Variants in AKAP6 observed in about 807,000 individuals in gnomAD.
AKAP6 encodes A-kinase anchoring protein 6.
Under a neutral mutation model 188.5 loss-of-function variants are expected in AKAP6, and 58 were observed. The ratio of observed to expected loss-of-function variants is 0.31; its 90% CI spans 0.25 to 0.38. The LOEUF is 0.38. Among genes scored for constraint, AKAP6 ranks in the 10% least tolerant of loss-of-function variants. AKAP6 has a pLI of 1.00. For missense variants in AKAP6, 2,710 were observed against 2,740.0 expected (o/e 0.99, Z 0.24); for synonymous variants, 989 against 998.6 (o/e 0.99, Z 0.18).
chr14:32,566,840 A>G (rs898832226), intron 4 of AKAP6, among the ~76,000 whole-genome samples: 2 of 152,170 alleles, frequency 1.3e-5, no homozygotes, highest in Non-Finnish European at 2.9e-5. Context: ...AAAATGAACA[A>G]TTAGGTCTGC....
At chr14:32,673,259 T>A (rs1172140208) in intron 7 of AKAP6, among the ~76,000 whole-genome samples, 3 of 152,234 alleles carry the variant, frequency 2.0e-5, no homozygotes, top group African/African-American at 7.2e-5. Context: ...TTATTTTTAT[T>A]TCTCATCCTT....
intron 9 of AKAP6, among the ~76,000 whole-genome samples, chr14:32,731,355 G>A (rs966607003): frequency 2.0e-5 from 3 of 151,944 alleles, no homozygotes; most frequent in Non-Finnish European, 4.4e-5. Context: ...TGTTTTCAAG[G>A]TGAGTGAAAT....
At chr14:32,579,911 C>T (rs886512001) in intron 5 of AKAP6, among the ~76,000 whole-genome samples, 1 of 152,012 alleles carries the variant, frequency 6.6e-6, no homozygotes, top group African/African-American at 2.4e-5. Flanking sequence ...GTAGAGGTAG[C>T]TACACAAGTT....
chr14:32,792,749 A>G (rs867845677), intron 12 of AKAP6, among the ~76,000 whole-genome samples: 2 of 152,142 alleles, frequency 1.3e-5, no homozygotes, highest in Non-Finnish European at 2.9e-5. Flanking sequence ...GATATTGGCT[A>G]TGGGTTAGTC....
rs61757554 is a variant in AKAP6 at position 32,545,250 on chromosome 14, A to G, written c.597A>G (p.Thr199=). ...ETKEGRLDSL[T]EVDDSGQLTI... ...TTCAGGGCCGGCTTGATTCTCTAAC[A>G]GAAGTGGATGACTCAGGACAATTAA... Residue 199 remains threonine (T), a synonymous_variant, in exon 4 of 14, where the codon ACA becomes ACG. Transcript: ENST00000280979. 5,657 of 1,613,010 alleles carry G rather than the reference A, an allele frequency of 3.5e-3. 12 individuals are homozygous for G. The highest frequency in any genetic ancestry group is 4.4e-3 in the Non-Finnish European group (5,176 of 1,179,078).
At chr14:32,634,658 G>T (rs1594799682) in intron 7 of AKAP6, among the ~76,000 whole-genome samples, 1 of 151,884 alleles carries the variant, frequency 6.6e-6, no homozygotes, top group Non-Finnish European at 1.5e-5. Context: ...TTTTTGGAGG[G>T]GTGGTGATAG....
intron 1 of AKAP6, among the ~76,000 whole-genome samples, chr14:32,389,924 A>G (rs559275684): frequency 6.6e-6 from 1 of 152,188 alleles, no homozygotes; most frequent in South Asian, 2.1e-4. Flanking sequence ...TTCCTTGATT[A>G]TTCCCCCAGA....
chr14:32,348,011 G>A (rs946442177), intron 1 of AKAP6, among the ~76,000 whole-genome samples: 2 of 152,230 alleles, frequency 1.3e-5, no homozygotes, highest in African/African-American at 4.8e-5. Flanking sequence ...GGACATTTGT[G>A]TGTAGCCACA....
intron 7 of AKAP6, among the ~76,000 whole-genome samples, chr14:32,639,809 G>A (rs1051002906): frequency 7.9e-5 from 12 of 152,086 alleles, no homozygotes; most frequent in Admixed American, 7.2e-4. Flanking sequence ...GACTGAAAAT[G>A]TCTTCAGGCT....
chr14:32,661,860 A>G (rs1295794371), intron 7 of AKAP6, among the ~76,000 whole-genome samples: 1 of 152,188 alleles, frequency 6.6e-6, no homozygotes, highest in African/African-American at 2.4e-5. Context: ...ACCTGTGCAT[A>G]GCACAAGGTT....
intron 7 of AKAP6, among the ~76,000 whole-genome samples, chr14:32,610,621 G>A (rs1231664010): frequency 6.6e-6 from 1 of 152,180 alleles, no homozygotes; most frequent in Non-Finnish European, 1.5e-5. Flanking sequence ...TCAATCTGAT[G>A]GGCCCTGGGA....
chr14:32,597,871 C>A (rs1594772426), intron 5 of AKAP6, among the ~76,000 whole-genome samples: 1 of 152,238 alleles, frequency 6.6e-6, no homozygotes, highest in Non-Finnish European at 1.5e-5. Flanking sequence ...TTTCTAGGTT[C>A]TTTTGATCAT....
chr14:32,335,179 T>A (rs964030290), intron 1 of AKAP6, among the ~76,000 whole-genome samples: 2 of 152,058 alleles, frequency 1.3e-5, no homozygotes, highest in African/African-American at 4.8e-5. Context: ...GCCTGCAGCT[T>A]GTTTTGTATG....
intron 3 of AKAP6, among the ~76,000 whole-genome samples, chr14:32,541,693 T>G (rs2139138425): frequency 6.6e-6 from 1 of 152,336 alleles, no homozygotes; most frequent in East Asian, 1.9e-4. Context: ...GTTTTGGAAT[T>G]TAACCATCGT....
At chr14:32,745,583 G>T (rs2031873229) in intron 11 of AKAP6, among the ~76,000 whole-genome samples, 1 of 151,474 alleles carries the variant, frequency 6.6e-6, no homozygotes, top group Admixed American at 6.6e-5. Context: ...GCATCCCTAT[G>T]GCCACCACCA....
At chr14:32,544,208 G>T (rs1290193147) in intron 3 of AKAP6, among the ~76,000 whole-genome samples, 1 of 152,170 alleles carries the variant, frequency 6.6e-6, no homozygotes, top group African/African-American at 2.4e-5. Context: ...GAGATCTGGG[G>T]ATGTAACAAC....
chr14:32,503,970 G>A (rs1349311455), intron 2 of AKAP6, among the ~76,000 whole-genome samples: 2 of 151,448 alleles, frequency 1.3e-5, no homozygotes, highest in African/African-American at 4.8e-5. Context: ...GCATTATATT[G>A]ATATATTAAT....
intron 12 of AKAP6, among the ~76,000 whole-genome samples, chr14:32,798,189 A>G (rs915123408): frequency 2.0e-5 from 3 of 152,214 alleles, no homozygotes; most frequent in East Asian, 1.9e-4. Context: ...CAAAACCACA[A>G]TGAGATGCCA....
intron 7 of AKAP6, among the ~76,000 whole-genome samples, chr14:32,661,884 A>C (rs1229658636): frequency 6.6e-6 from 1 of 152,158 alleles, no homozygotes; most frequent in African/African-American, 2.4e-5. Flanking sequence ...GGGATTATCA[A>C]ATGAGATAAT....
Sources: gnomAD v4.1 joint callset for allele counts (sites outside exome capture counted in the v4.1 genomes callset) on GRCh38, gnomAD v4.1.1 for gene constraint, MANE v1.5 for transcripts, NCBI Gene and HGNC (gene_info 2026-07-23, HGNC 2026-07-21) for gene names.